The following GLB1L2 variants were observed in gnomAD, a reference collection of about 807,000 sequenced individuals.
GLB1L2 encodes the protein beta-galactosidase-1-like protein 2.
GLB1L2 carries 68 observed loss-of-function variants against 84.1 expected under a neutral mutation model. The observed-to-expected ratio is 0.81, with a 90% CI of 0.67 to 0.99. The LOEUF (loss-of-function observed/expected upper bound fraction) is 0.99, where lower values mean the gene tolerates loss of function less well. Ranked by LOEUF, GLB1L2 falls within the 50% of genes least tolerant of loss-of-function variation. GLB1L2 has a pLI of 0.00. For missense variants in GLB1L2, 762 were observed against 805.6 expected (o/e 0.95, Z 0.66); for synonymous variants, 290 against 318.0 (o/e 0.91, Z 0.94).
chr11:134,358,113 C>T (rs1228296687), intron 6 of GLB1L2, among the ~76,000 whole-genome samples: 1 of 152,214 alleles, frequency 6.6e-6, no homozygotes, highest in Non-Finnish European at 1.5e-5. Flanking sequence ...CTTATTCGCC[C>T]AGCAGATGAT....
At chr11:134,364,440 C>A (rs374456329) in intron 8 of GLB1L2, 42 bp downstream of exon 8, 1 of 1,493,760 alleles carries the variant, frequency 6.7e-7, no homozygotes, top group Non-Finnish European at 9.3e-7. Flanking sequence ...CCCTGCTCAG[C>A]GGCCTATGGG....
Position 134,357,828 on chromosome 11 carries a change from A to G in GLB1L2, c.652-1232A>G, listed in dbSNP as rs575345589. On this transcript the variant is annotated intron_variant, in intron 6 of 18. Transcript: ENST00000535456. The stretch of plus-strand genomic sequence containing the variant: ...GAGAACAGGTGCCTGCTCCCAGCCT[A>G]GCTCTGCAGATCTCTGGTGCTCAGG... 3.3e-5 allele frequency among the ~76,000 whole-genome samples: 5 copies of G among 152,356 alleles called. No homozygotes were observed. The South Asian group carries it at 1.0e-3, about 32-fold the overall frequency.
At chr11:134,335,930 G>A (rs1247679444) in intron 1 of GLB1L2, among the ~76,000 whole-genome samples, 16 of 152,108 alleles carry the variant, frequency 1.1e-4, no homozygotes, top group Admixed American at 1.0e-3. Flanking sequence ...GCAGGGGCAG[G>A]GTTTTTTGGT....
intron 1 of GLB1L2, among the ~76,000 whole-genome samples, chr11:134,333,635 G>T (rs1943337093): frequency 6.6e-6 from 1 of 152,190 alleles, no homozygotes; most frequent in Non-Finnish European, 1.5e-5. Flanking sequence ...GAAGGAGGCT[G>T]AGGGTTTGTT....
chr11:134,370,538 AGT>A lies in GLB1L2; in HGVS notation c.1215+143_1215+144del. 1.5e-6 allele frequency: 1 copy of A among 667,870 alleles called. No individual in the cohort carries two copies. The highest frequency in any genetic ancestry group is 1.7e-5 in the South Asian group (1 of 57,638). The allele number at this position is 667,870 out of a possible 1,614,324, so 41.4% of individuals were successfully genotyped here. A position where few individuals can be genotyped will look rare whatever the true frequency, so the allele number is the denominator to read the frequency against. On this transcript the variant is annotated intron_variant, in intron 12 of 18. Transcript: ENST00000535456. This position sits in a 1 kb window ranked among gnomAD's most constrained non-coding sequence, Gnocchi z 4.7. Reference sequence around the variant, plus strand: ...GGGCCTGGAGCCCCTCCAGACAGGGAGTGTGGGGGGAGGCAGGCCAGTGCCTG... The same window carrying A: ...GGGCCTGGAGCCCCTCCAGACAGGGAGTGGGGGGAGGCAGGCCAGTGCCTG...
chr11:134,371,681 G>A (rs1486509274), intron 14 of GLB1L2, 71 bp from the exon 15 acceptor site: 9 of 1,472,744 alleles, frequency 6.1e-6, no homozygotes, highest in Non-Finnish European at 7.6e-6. Flanking sequence ...GAAGAACTGG[G>A]GTCCACAAGC....
chr11:134,375,832 C>G lies in GLB1L2; in HGVS notation c.*774C>G, dbSNP rs1430908133. The G allele has an allele frequency of 4.9e-5, 5 of 101,136 alleles. No individual in the cohort carries two copies. The highest frequency in any genetic ancestry group is 1.6e-4 in the African/African-American group (4 of 24,546). 6.3% of individuals were successfully genotyped at this position (101,136 alleles called of 1,614,324 possible). On this transcript the variant is annotated 3_prime_UTR_variant, in exon 19 of 19. Transcript: ENST00000535456. ...GCTCACATGTGAGTCCTGGCAGAAG[C>G]CATGGCCCATGTCTGCACATCCAGG...
chr11:134,369,600 C>T (rs1943918394), intron 10 of GLB1L2, among the ~76,000 whole-genome samples: 2 of 152,250 alleles, frequency 1.3e-5, no homozygotes, highest in African/African-American at 4.8e-5. Context: ...CAGGTGTGAG[C>T]CGCTGCACCT....
intron 4 of GLB1L2, 52 bp downstream of exon 4, chr11:134,345,181 A>G: frequency 6.6e-7 from 1 of 1,519,854 alleles, no homozygotes; most frequent in Non-Finnish European, 8.9e-7. Context: ...GCTCACAGAC[A>G]TAGGTCTGGT....
At chr11:134,358,939 A>G in intron 6 of GLB1L2, 121 bp from the exon 7 acceptor site, 1 of 684,686 alleles carries the variant, frequency 1.5e-6, no homozygotes, top group Non-Finnish European at 2.5e-6. Flanking sequence ...TGGCAGAGAA[A>G]TAAACGCTTT....
At chr11:134,354,226 T>A (rs1354181478) in intron 5 of GLB1L2, among the ~76,000 whole-genome samples, 1 of 152,146 alleles carries the variant, frequency 6.6e-6, no homozygotes, top group Non-Finnish European at 1.5e-5. Context: ...TATCCTAAAG[T>A]TGTGACATTC....
At chr11:134,357,548 T>C (rs1052269545) in intron 6 of GLB1L2, among the ~76,000 whole-genome samples, 2 of 152,252 alleles carry the variant, frequency 1.3e-5, no homozygotes, top group African/African-American at 4.8e-5. Context: ...TCCCGCAGAC[T>C]GTCTCTTGGC....
At position 134,353,065 on chromosome 11, in the gene GLB1L2, A is replaced by G. The variant is rs117823578; in HGVS notation, c.559-3236A>G. 6.8e-3 allele frequency among the ~76,000 whole-genome samples: 1,028 copies of G among 152,132 alleles called. 6 individuals are homozygous for G. Among genetic ancestry groups the G allele is most frequent in the Middle Eastern group, 0.014 (4 of 294 alleles). ...GGTTATTGATTTCTAGTTTCATTCC[A>G]TTGTGATTGGGAAAAATAAAACTTT... is the stretch of plus-strand genomic sequence containing the variant. On this transcript the variant is annotated intron_variant, in intron 5 of 18. Transcript: ENST00000535456.
Position 134,342,987 on chromosome 11 carries a change from CTAAG to C in GLB1L2, c.284+37_284+40del. 4 of 1,577,028 alleles carry C rather than the reference CTAAG, an allele frequency of 2.5e-6. No homozygotes were observed. In the South Asian group the frequency reaches 4.6e-5, roughly 18 times the overall value. ...CCCCTGTCCCCCCGGAGCCTGGTTC[CTAAG>C]CAGGGCGCCTGGTGTCTGCATGCGA... is the stretch of plus-strand genomic sequence containing the variant. On this transcript the variant is annotated intron_variant, in intron 2 of 18. Coordinates refer to ENST00000535456, the MANE Select transcript of GLB1L2 (RefSeq NM_001370461.1).
chr11:134,374,581 A>C, intron 17 of GLB1L2, 21 bp from the exon 18 acceptor site: 2 of 1,575,274 alleles, frequency 1.3e-6, no homozygotes, highest in South Asian at 1.1e-5. Context: ...GTAGATGAAC[A>C]CCCTTCCCCT....
chr11:134,374,200 TTC>T lies in GLB1L2; in HGVS notation c.1653_1654del (p.Leu552GlyfsTer2). The T allele has an allele frequency of 6.2e-7, 1 of 1,614,184 alleles. No individual in the cohort carries two copies. Among genetic ancestry groups the T allele is most frequent in the East Asian group, 2.2e-5 (1 of 44,884 alleles). ...LPETPTLPAF[F>X]LGSLSISSTP... is the part of the protein sequence containing the mutation. ...AGAAACACCCACATTACCTGCTTTC[TTC>T]TTGGGTAGCTTGTCCATCAGCTCCA... On this transcript the variant is annotated frameshift_variant, in exon 17 of 19. Transcript: ENST00000535456. LOFTEE classifies it high-confidence loss of function.
intron 13 of GLB1L2, 53 bp from the exon 14 acceptor site, chr11:134,371,368 C>G: frequency 7.9e-7 from 1 of 1,258,708 alleles, no homozygotes; most frequent in Non-Finnish European, 1.2e-6. Flanking sequence ...GAGGAGGTCC[C>G]GCTTACCCTC....
At chr11:134,360,688 A>T (rs1943772866) in intron 7 of GLB1L2, 2 of 151,966 alleles carry the variant, frequency 1.3e-5, no homozygotes, top group Non-Finnish European at 2.9e-5. Flanking sequence ...TAAAAAAATT[A>T]AATGGTCTAA....
chr11:134,347,372 G>A lies in GLB1L2; in HGVS notation c.497G>A (p.Gly166Asp), dbSNP rs1252055109. ...PGMRLRTTYK[G>D]FTEAVDLYFD... ...ATGAGGCTGAGGACAACTTACAAGG[G>A]CTTCACCGAAGCAGTGGACCTTTAT... is the stretch of plus-strand genomic sequence containing the variant. The change falls in exon 5 of 19, where the codon GGC (glycine) becomes GAC (aspartate). Residue 166 changes from glycine (G) to aspartate (D), a missense_variant. Around this residue, in one of 3 missense-constraint regions of GLB1L2, gnomAD observed 603 missense variants for 611.7 expected, o/e 0.99. Transcript: ENST00000535456. 1.2e-6 allele frequency: 2 copies of A among 1,614,134 alleles called. No individual in the cohort carries two copies. The highest frequency in any genetic ancestry group is 2.2e-5 in the South Asian group (2 of 91,078).
Sources: allele counts gnomAD v4.1 joint callset (sites outside exome capture counted in the v4.1 genomes callset), GRCh38; gene constraint gnomAD v4.1.1; regional missense constraint gnomAD v4.1.1; non-coding constraint Gnocchi (gnomAD v3.1); transcripts MANE v1.5; gene names NCBI Gene and HGNC (gene_info 2026-07-23, HGNC 2026-07-21).